The following BACH1 variants were observed in gnomAD, a reference collection of about 807,000 sequenced individuals.
BACH1 encodes transcription regulator protein BACH1.
In BACH1, 35 loss-of-function variants were observed where a neutral mutation model predicts 52.9. The observed-to-expected ratio is 0.66, with a 90% confidence interval of 0.51 to 0.88. The LOEUF (loss-of-function observed/expected upper bound fraction) is 0.88, where lower values mean the gene tolerates loss of function less well. BACH1 is among the 40% of genes least tolerant of loss of function. BACH1 has a pLI of 0.00. For synonymous variants in BACH1, 321 were observed against 319.6 expected (o/e 1.00, Z -0.05); for missense variants, 808 against 872.6 (o/e 0.93, Z 0.93).
chr21:29,320,079 A>G (rs2088830806), intron 1 of BACH1, among the ~76,000 whole-genome samples: 1 of 152,128 alleles, frequency 6.6e-6, no homozygotes, highest in Non-Finnish European at 1.5e-5. Context: ...CTTGGGACTG[A>G]ACTTCAGTAG....
intron 1 of BACH1, among the ~76,000 whole-genome samples, chr21:29,315,783 A>G (rs1247218084): frequency 2.6e-5 from 4 of 152,196 alleles, no homozygotes; most frequent in East Asian, 1.9e-4. Flanking sequence ...TCCTGTGTAA[A>G]TTGATTATAA....
chr21:29,335,487 G>A (rs1382783243), intron 4 of BACH1, among the ~76,000 whole-genome samples: 1 of 152,160 alleles, frequency 6.6e-6, no homozygotes, highest in Non-Finnish European at 1.5e-5. Context: ...CTTACTTACA[G>A]TCTCATAGGG....
chr21:29,322,048 G>A (rs765153632), intron 2 of BACH1, among the ~76,000 whole-genome samples: 21 of 152,214 alleles, frequency 1.4e-4, no homozygotes, highest in Non-Finnish European at 2.8e-4. Flanking sequence ...GTGGGCAAGA[G>A]AGAACTTGTG....
chr21:29,303,014 T>C (rs1454755241), intron 1 of BACH1, among the ~76,000 whole-genome samples: 2 of 152,250 alleles, frequency 1.3e-5, no homozygotes, highest in East Asian at 3.8e-4. Flanking sequence ...CACGTTGTAG[T>C]TGACATTGTG....
At chr21:29,319,067 C>T (rs2088819630) in intron 1 of BACH1, among the ~76,000 whole-genome samples, 1 of 152,126 alleles carries the variant, frequency 6.6e-6, no homozygotes, top group Non-Finnish European at 1.5e-5. Context: ...CCTTGGTTTC[C>T]ACATCTGTAA....
At chr21:29,334,123 G>C (rs1210167155) in intron 4 of BACH1, among the ~76,000 whole-genome samples, 1 of 141,656 alleles carries the variant, frequency 7.1e-6, no homozygotes, top group Non-Finnish European at 1.5e-5. Flanking sequence ...TTTTTTTTTT[G>C]AGGCAGAGTC....
chr21:29,357,730 CT>C (rs2123494730), intron 2 of BACH1, among the ~76,000 whole-genome samples: 1 of 152,324 alleles, frequency 6.6e-6, no homozygotes, highest in South Asian at 2.1e-4. Context: ...TGAGTAAGGA[CT>C]CCAAGAGCCA....
intron 2 of BACH1, among the ~76,000 whole-genome samples, chr21:29,358,818 A>AAAGAAAG (rs1569028921): frequency 3.5e-4 from 48 of 137,056 alleles, no homozygotes; most frequent in African/African-American, 1.0e-3. Flanking sequence ...AAGAAAGAAG[A>AAAGAAAG]AAGAAAGAAA....
At chr21:29,338,418 GGCTAGAGT>G (rs151057379) in intron 4 of BACH1, among the ~76,000 whole-genome samples, 338 of 152,176 alleles carry the variant, frequency 2.2e-3, no homozygotes, top group Non-Finnish European at 2.4e-3. Context: ...CTGTCACCCA[GGCTAGAGT>G]GCAGTGGCAC....
At chr21:29,353,246 AT>A (rs1368817519) in intron 2 of BACH1, among the ~76,000 whole-genome samples, 1 of 152,200 alleles carries the variant, frequency 6.6e-6, no homozygotes, top group East Asian at 1.9e-4. Flanking sequence ...ATTGCAAATT[AT>A]TTTTGGCTAA....
intron 4 of BACH1, among the ~76,000 whole-genome samples, chr21:29,336,223 TTTAAG>T (rs1404407456): frequency 9.8e-5 from 15 of 152,356 alleles, no homozygotes; most frequent in South Asian, 4.1e-4. Flanking sequence ...AATGTCTTAC[TTTAAG>T]TTATTTGTCT....
At chr21:29,325,773 TTGTGGTAA>T (rs1322181008) in intron 2 of BACH1, among the ~76,000 whole-genome samples, 1 of 152,048 alleles carries the variant, frequency 6.6e-6, no homozygotes, top group Admixed American at 6.6e-5. Flanking sequence ...CATGGGAAAA[TTGTGGTAA>T]TGTCTTACAT....
At chr21:29,313,916 T>A (rs368735213) in intron 1 of BACH1, among the ~76,000 whole-genome samples, 177 of 152,328 alleles carry the variant, frequency 1.2e-3, no homozygotes, top group African/African-American at 4.1e-3. Context: ...TATGCACATA[T>A]ACAGTTGTTA....
Position 29,327,335 on chromosome 21 carries a change from C to T in BACH1, c.1511C>T (p.Ser504Phe), listed in dbSNP as rs768892267. 1 of 1,614,192 alleles carries T rather than the reference C, an allele frequency of 6.2e-7. No homozygotes were observed. Among genetic ancestry groups the T allele is most frequent in the Non-Finnish European group, 8.5e-7 (1 of 1,180,036 alleles). The change falls in exon 3 of 5, where the codon TCT (serine) becomes TTT (phenylalanine). Residue 504 changes from serine to phenylalanine, a missense_variant. Ser to Phe is a radical substitution (Grantham distance 155, BLOSUM62 -2). Coordinates refer to ENST00000286800, the MANE Select transcript of BACH1 (RefSeq NM_001186.4). ...TGTGTCATTAGCTTGGGAGACGACT[C>T]TGAGACGGACACCGAAGGAGACAGT... is the stretch of plus-strand genomic sequence containing the variant. ...YACVISLGDD[S>F]ETDTEGDSES...
At chr21:29,301,327 T>C (rs1209734031) in intron 1 of BACH1, among the ~76,000 whole-genome samples, 1 of 152,234 alleles carries the variant, frequency 6.6e-6, no homozygotes, top group Non-Finnish European at 1.5e-5. Flanking sequence ...ATTCATATTA[T>C]ATAATGCGCG....
intron 1 of BACH1, among the ~76,000 whole-genome samples, chr21:29,303,373 A>G (rs189575209): frequency 3.9e-4 from 59 of 152,272 alleles, no homozygotes; most frequent in Admixed American, 1.0e-3. Flanking sequence ...TTTATCTCCT[A>G]TGGCACTCTG....
intron 4 of BACH1, among the ~76,000 whole-genome samples, chr21:29,332,041 T>G (rs2088990008): frequency 6.6e-6 from 1 of 152,122 alleles, no homozygotes; most frequent in Non-Finnish European, 1.5e-5. Flanking sequence ...CAAGCAATTC[T>G]CCTGCCTCAG....
chr21:29,359,906 G>C (rs2089260815), intron 2 of BACH1, among the ~76,000 whole-genome samples: 1 of 152,114 alleles, frequency 6.6e-6, no homozygotes, highest in South Asian at 2.1e-4. Flanking sequence ...TGTGACAAAT[G>C]CATTTCTCAT....
At chr21:29,332,100 T>G (rs2088990960) in intron 4 of BACH1, among the ~76,000 whole-genome samples, 1 of 151,992 alleles carries the variant, frequency 6.6e-6, no homozygotes, top group Admixed American at 6.6e-5. Context: ...ACCCAACTAA[T>G]TTTTTGTATT....
Sources: allele counts gnomAD v4.1 joint callset (sites outside exome capture counted in the v4.1 genomes callset), GRCh38; gene constraint gnomAD v4.1.1; transcripts MANE v1.5; gene names NCBI Gene and HGNC (gene_info 2026-07-23, HGNC 2026-07-21).